The following SNTN variants were observed in gnomAD, a reference collection of about 807,000 sequenced individuals.
SNTN encodes sentan, cilia apical structure protein, also known as sentan.
Under a neutral mutation model 12.3 loss-of-function variants are expected in SNTN, and 13 were observed. That is an observed-to-expected ratio of 1.05 (90% CI 0.69 to 1.67). The LOEUF (loss-of-function observed/expected upper bound fraction) is 1.67, where lower values mean the gene tolerates loss of function less well. SNTN is among the 40% of genes most tolerant of loss of function. The pLI is 0.00. For missense variants in SNTN, 189 were observed against 169.8 expected, an observed-to-expected ratio of 1.11 and a Z score of -0.63; for synonymous variants, 69 against 58.5, an observed-to-expected ratio of 1.18 and a Z score of -0.82.
intron 3 of SNTN, among the ~76,000 whole-genome samples, chr3:63,662,963 A>G (rs191934358): frequency 9.7e-4 from 147 of 152,320 alleles, no homozygotes; most frequent in African/African-American, 3.4e-3. Flanking sequence ...CTGACTATTT[A>G]TGAACACTGT....
At chr3:63,659,359 T>A (rs1036286361) in intron 2 of SNTN, among the ~76,000 whole-genome samples, 2 of 152,222 alleles carry the variant, frequency 1.3e-5, no homozygotes, top group Admixed American at 1.3e-4. Flanking sequence ...TATTCGGTGA[T>A]TCCTAATATC....
intron 2 of SNTN, among the ~76,000 whole-genome samples, chr3:63,656,940 G>T (rs915584269): frequency 1.3e-4 from 20 of 152,116 alleles, no homozygotes; most frequent in African/African-American, 4.1e-4. Flanking sequence ...ATAGAGTGGG[G>T]GTTGATACTA....
chr3:63,653,851 G>A (rs1022313970), intron 1 of SNTN, among the ~76,000 whole-genome samples: 1 of 152,160 alleles, frequency 6.6e-6, no homozygotes, highest in African/African-American at 2.4e-5. Flanking sequence ...AGGCCTCCAA[G>A]GCTCAATATG....
chr3:63,663,079 G>C (rs1013947068), intron 3 of SNTN, among the ~76,000 whole-genome samples: 1 of 152,036 alleles, frequency 6.6e-6, no homozygotes, highest in Admixed American at 6.6e-5. Context: ...TTAAGTCTTA[G>C]ATAACGAACC....
At chr3:63,653,542 C>T (rs1353424822) in intron 1 of SNTN, among the ~76,000 whole-genome samples, 2 of 152,098 alleles carry the variant, frequency 1.3e-5, no homozygotes, top group Admixed American at 6.5e-5. Context: ...AAAGTTCCCT[C>T]AAGTAGTTAA....
Position 63,665,078 on chromosome 3 carries a change from A to G in SNTN, c.*983A>G, listed in dbSNP as rs975712490. ...AAGGGGACTTTTAAGGGGGCTGGAA[A>G]TGGTCTCCATTTTGATTGTGAGGTG... is the stretch of plus-strand genomic sequence containing the variant. On this transcript the variant is annotated 3_prime_UTR_variant, in exon 4 of 4. Transcript: ENST00000343837. Among the ~76,000 whole-genome samples, 2 of 152,128 alleles carry G rather than the reference A, an allele frequency of 1.3e-5. No homozygotes were observed. The highest frequency in any genetic ancestry group is 2.9e-5 in the Non-Finnish European group (2 of 68,018).
chr3:63,653,662 G>T (rs1352668972), intron 1 of SNTN, among the ~76,000 whole-genome samples: 5 of 152,150 alleles, frequency 3.3e-5, no homozygotes, highest in Non-Finnish European at 7.4e-5. Context: ...AGCCATTGGG[G>T]GTTGAAAAAT....
intron 3 of SNTN, 188 bp from the exon 4 acceptor site, chr3:63,663,749 G>A: frequency 2.8e-6 from 2 of 725,058 alleles, no homozygotes; most frequent in East Asian, 2.8e-5. Flanking sequence ...CTCACCACAT[G>A]CAGATGCCTG....
intron 3 of SNTN, among the ~76,000 whole-genome samples, chr3:63,660,621 A>G (rs1700733551): frequency 6.6e-6 from 1 of 152,188 alleles, no homozygotes; most frequent in African/African-American, 2.4e-5. Flanking sequence ...GTTGAAGGAT[A>G]GGAAAGAAAA....
At chr3:63,654,884 A>C (rs1700660025) in intron 2 of SNTN, 88 bp downstream of exon 2, 1 of 1,178,566 alleles carries the variant, frequency 8.5e-7, no homozygotes, top group Non-Finnish European at 1.2e-6. Flanking sequence ...GACATCAAAG[A>C]ATGCCAGAGA....
chr3:63,659,948 C>G, intron 3 of SNTN, 84 bp downstream of exon 3: 1 of 1,518,430 alleles, frequency 6.6e-7, no homozygotes, highest in Non-Finnish European at 9.0e-7. Flanking sequence ...CTCCAGGTCC[C>G]TGTCATGTTG....
intron 1 of SNTN, among the ~76,000 whole-genome samples, chr3:63,653,843 G>T (rs1429756615): frequency 6.6e-6 from 1 of 152,078 alleles, no homozygotes; most frequent in African/African-American, 2.4e-5. Context: ...CCTCCATAAG[G>T]CCTCCAAGGC....
At chr3:63,658,915 T>G (rs1464762011) in intron 2 of SNTN, among the ~76,000 whole-genome samples, 1 of 152,158 alleles carries the variant, frequency 6.6e-6, no homozygotes, top group African/African-American at 2.4e-5. Context: ...TAGCAGACAT[T>G]TGTACTGTCA....
intron 2 of SNTN, among the ~76,000 whole-genome samples, chr3:63,658,831 C>T (rs1260729303): frequency 6.6e-6 from 1 of 152,172 alleles, no homozygotes; most frequent in Non-Finnish European, 1.5e-5. Flanking sequence ...ATTACCTGGA[C>T]TGAAAGCTGG....
chr3:63,657,781 G>A (rs1326913000), intron 2 of SNTN, among the ~76,000 whole-genome samples: 1 of 152,092 alleles, frequency 6.6e-6, no homozygotes, highest in Non-Finnish European at 1.5e-5. Flanking sequence ...ACTCCTAAGT[G>A]GCTAATCTTT....
At position 63,654,492 on chromosome 3, in the gene SNTN, C is replaced by T. The variant is rs548959028; in HGVS notation, c.111-270C>T. Among the ~76,000 whole-genome samples, 4 of 152,260 alleles carry T rather than the reference C, an allele frequency of 2.6e-5. No homozygotes were observed. In the East Asian group the frequency reaches 7.7e-4, roughly 29 times the overall value. On this transcript the variant is annotated intron_variant, in intron 1 of 3. Coordinates refer to ENST00000343837, the MANE Select transcript of SNTN (RefSeq NM_001080537.2). ...GGAAGGTATTCACTTCTCTTCTGCT[C>T]CATTTCCGTCTGGAGGAACTTAGTC...
Position 63,659,825 on chromosome 3 carries a change from CA to C in SNTN, c.249del (p.Asp84IlefsTer35), listed in dbSNP as rs761483928. 1 of 1,613,920 alleles carries C rather than the reference CA, an allele frequency of 6.2e-7. No homozygotes were observed. The highest frequency in any genetic ancestry group is 1.1e-5 in the South Asian group (1 of 91,070). On this transcript the variant is annotated frameshift_variant, in exon 3 of 4. Transcript: ENST00000343837. LOFTEE classifies it high-confidence loss of function. ...ATGGTAAACTTGAAAAAGCTATTGC[CA>C]AAGATCTGCTGCAAACCCAATTTAG... Reference protein sequence around the residue: ...SDGKLEKAIAKDLLQTQFRNF... With the variant: ...SDGKLEKAIAXDLLQTQFRNF...
intron 1 of SNTN, among the ~76,000 whole-genome samples, chr3:63,653,590 A>G (rs913838228): frequency 6.6e-6 from 1 of 152,204 alleles, no homozygotes; most frequent in African/African-American, 2.4e-5. Context: ...GTTCCTTTTA[A>G]GGAGTTATCC....
intron 2 of SNTN, among the ~76,000 whole-genome samples, chr3:63,657,972 A>G (rs1700701290): frequency 6.6e-6 from 1 of 152,110 alleles, no homozygotes; most frequent in Non-Finnish European, 1.5e-5. Context: ...CCTCACCTTT[A>G]ACTGAAAAAT....
Sources: gnomAD v4.1 joint callset for allele counts (sites outside exome capture counted in the v4.1 genomes callset) on GRCh38, gnomAD v4.1.1 for gene constraint, MANE v1.5 for transcripts, NCBI Gene and HGNC (gene_info 2026-07-23, HGNC 2026-07-21) for gene names.